IGF1R: variants seen among roughly 807,000 people sequenced by gnomAD.
IGF1R encodes the protein insulin like growth factor 1 receptor, also known as insulin-like growth factor 1 receptor.
In IGF1R, 44 loss-of-function variants were observed where a neutral mutation model predicts 144.6. The observed-to-expected ratio is 0.30, with a 90% CI of 0.24 to 0.39. IGF1R has a LOEUF of 0.39. Among genes scored for constraint, IGF1R ranks in the 10% least tolerant of loss-of-function variants. The probability of loss-of-function intolerance (pLI) is 1.00; values close to 1 mark genes in which losing one functional copy is unlikely to be tolerated. For missense variants in IGF1R, 1,355 were observed against 1,833.7 expected, an observed-to-expected ratio of 0.74 and a Z score of 4.77; for synonymous variants, 795 against 722.8, an observed-to-expected ratio of 1.10 and a Z score of -1.60.
intron 3 of IGF1R, among the ~76,000 whole-genome samples, chr15:98,894,370 A>T (rs2014072397): frequency 6.6e-6 from 1 of 152,374 alleles, no homozygotes; most frequent in South Asian, 2.1e-4. Context: ...TATGTACACC[A>T]TCGTCCATAG....
chr15:98,925,084 C>T (rs752706130), intron 13 of IGF1R, among the ~76,000 whole-genome samples: 5 of 151,826 alleles, frequency 3.3e-5, no homozygotes, highest in Non-Finnish European at 7.4e-5. Flanking sequence ...AGATAGGGCT[C>T]GGATTCAGGG....
chr15:98,958,244 GTCTT>G lies in IGF1R; in HGVS notation c.*806_*809del, dbSNP rs371787961. On this transcript the variant is annotated 3_prime_UTR_variant, in exon 21 of 21. Transcript: ENST00000650285. The stretch of plus-strand genomic sequence containing the variant: ...TATTTGGGGGAACTGGACACAATAG[GTCTT>G]TCTCTCAGTGAAGGTGGGGAGAAGC... 4.3e-6 allele frequency: 1 copy of G among 231,574 alleles called. No homozygotes were observed. Among genetic ancestry groups the G allele is most frequent in the Non-Finnish European group, 8.5e-6 (1 of 117,076 alleles). The allele number at this position is 231,574 out of a possible 1,614,324, so 14.3% of individuals were successfully genotyped here.
At chr15:98,877,988 G>A (rs975854234) in intron 2 of IGF1R, among the ~76,000 whole-genome samples, 1 of 152,234 alleles carries the variant, frequency 6.6e-6, no homozygotes, top group African/African-American at 2.4e-5. Context: ...TGCACCTTTT[G>A]GACTAACAGT....
intron 6 of IGF1R, among the ~76,000 whole-genome samples, chr15:98,909,311 G>A (rs1332111513): frequency 7.8e-6 from 1 of 127,748 alleles, no homozygotes; most frequent in African/African-American, 2.9e-5. Flanking sequence ...ACCCAGGCTG[G>A]GGTGCAGTGG....
intron 2 of IGF1R, among the ~76,000 whole-genome samples, chr15:98,816,909 C>T (rs1270186771): frequency 6.6e-6 from 1 of 152,174 alleles, no homozygotes; most frequent in African/African-American, 2.4e-5. Context: ...TTGTATGGAT[C>T]TGAGATCCTC....
At chr15:98,790,750 T>C (rs923345020) in intron 2 of IGF1R, among the ~76,000 whole-genome samples, 29 of 152,262 alleles carry the variant, frequency 1.9e-4, no homozygotes, top group African/African-American at 6.5e-4. Context: ...TTAAAACTTC[T>C]ACTGTCTTAC....
intron 1 of IGF1R, among the ~76,000 whole-genome samples, chr15:98,658,039 TGTG>T (rs1428705385): frequency 1.3e-5 from 2 of 152,300 alleles, no homozygotes; most frequent in Non-Finnish European, 2.9e-5. Flanking sequence ...ACGTGCCTCT[TGTG>T]GTCCTAGGAT....
At chr15:98,811,733 T>C (rs2056593636) in intron 2 of IGF1R, among the ~76,000 whole-genome samples, 1 of 151,850 alleles carries the variant, frequency 6.6e-6, no homozygotes, top group Non-Finnish European at 1.5e-5. Flanking sequence ...CAGACCATCC[T>C]GGCTAACACG....
At position 98,911,568 on chromosome 15, in the gene IGF1R, CA is replaced by C. The variant is rs368369256; in HGVS notation, c.1589+130del. 5.0e-6 allele frequency: 6 copies of C among 1,209,680 alleles called. No homozygotes were observed. The African/African-American group carries it at 8.9e-5, about 18-fold the overall frequency. 74.9% of individuals were successfully genotyped at this position (1,209,680 alleles called of 1,614,324 possible). A position where few individuals can be genotyped will look rare whatever the true frequency, so the allele number is the denominator to read the frequency against. On this transcript the variant is annotated intron_variant, in intron 7 of 20. Transcript: ENST00000650285. ...GCAGAGTCCCCAGGGAGAGCCACGC[CA>C]AACATCCCTACTTCATCCTCATGCA...
chr15:98,817,078 G>A (rs1456147987), intron 2 of IGF1R, among the ~76,000 whole-genome samples: 1 of 152,104 alleles, frequency 6.6e-6, no homozygotes, highest in African/African-American at 2.4e-5. Flanking sequence ...CAAGACAGGC[G>A]GATCACCTGA....
chr15:98,803,926 A>G (rs1958070639), intron 2 of IGF1R, among the ~76,000 whole-genome samples: 1 of 152,200 alleles, frequency 6.6e-6, no homozygotes, highest in Non-Finnish European at 1.5e-5. Context: ...TGTACTGTGC[A>G]CTGTTGTACG....
chr15:98,828,108 G>A (rs559519315), intron 2 of IGF1R, among the ~76,000 whole-genome samples: 3 of 152,256 alleles, frequency 2.0e-5, no homozygotes, highest in African/African-American at 4.8e-5. Flanking sequence ...CTGGTCCAGC[G>A]TGCCTGTTAC....
intron 5 of IGF1R, among the ~76,000 whole-genome samples, chr15:98,904,681 G>T (rs575553688): frequency 6.6e-6 from 1 of 152,332 alleles, no homozygotes; most frequent in South Asian, 2.1e-4. Context: ...AGAGACAGCC[G>T]TGAAGAGGCA....
At chr15:98,681,147 G>C (rs140629526) in intron 1 of IGF1R, among the ~76,000 whole-genome samples, 111 of 152,282 alleles carry the variant, frequency 7.3e-4, no homozygotes, top group Admixed American at 1.6e-3. Context: ...GTCATTAAGT[G>C]ATACGTAACT....
intron 2 of IGF1R, among the ~76,000 whole-genome samples, chr15:98,812,396 G>A (rs1281232334): frequency 6.7e-6 from 1 of 148,626 alleles, no homozygotes; most frequent in East Asian, 2.0e-4. Context: ...TTACTCTGTC[G>A]CCCAGGCTAG....
At chr15:98,930,394 G>A in intron 15 of IGF1R, 89 bp downstream of exon 15, 1 of 836,598 alleles carries the variant, frequency 1.2e-6, no homozygotes, top group South Asian at 1.4e-5. Flanking sequence ...AAAGGAAGGA[G>A]GTTTGCATTA....
rs10680958 is a variant in IGF1R, at chr15:98,728,007, G to GTTTTTTTTTTTTTTTTT, written c.640+19906_640+19922dup. Among the ~76,000 whole-genome samples, 2 of 108,750 alleles carry GTTTTTTTTTTTTTTTTT rather than the reference G, an allele frequency of 1.8e-5. 1 individual carries two copies. The highest frequency in any genetic ancestry group is 3.5e-5 in the Non-Finnish European group (2 of 56,442). 71.3% of individuals were successfully genotyped at this position (108,750 alleles called of 152,430 possible). A position where few individuals can be genotyped will look rare whatever the true frequency, so the allele number is the denominator to read the frequency against. ...CCACTGTACTCACTGAAGATGCATT[G>GTTTTTTTTTTTTTTTTT]TTTTTTTTTTTTTTTTTTTTTTAAG... is the stretch of plus-strand genomic sequence containing the variant. On this transcript the variant is annotated intron_variant, in intron 2 of 20. Coordinates refer to ENST00000650285, the MANE Select transcript of IGF1R (RefSeq NM_000875.5).
chr15:98,869,997 G>C (rs916411625), intron 2 of IGF1R, among the ~76,000 whole-genome samples: 1 of 151,958 alleles, frequency 6.6e-6, no homozygotes, highest in African/African-American at 2.4e-5. Context: ...CATGGCCCTG[G>C]GAACACAGTG....
intron 2 of IGF1R, among the ~76,000 whole-genome samples, chr15:98,740,494 C>T (rs2054712684): frequency 6.6e-6 from 1 of 152,190 alleles, no homozygotes; most frequent in Non-Finnish European, 1.5e-5. Context: ...TTGCTGCAGC[C>T]TTGCTGCCAA....
Sources: gnomAD v4.1 joint callset for allele counts (sites outside exome capture counted in the v4.1 genomes callset) on GRCh38, gnomAD v4.1.1 for gene constraint, MANE v1.5 for transcripts, NCBI Gene and HGNC (gene_info 2026-07-23, HGNC 2026-07-21) for gene names.